SARS1: variants seen among roughly 807,000 people sequenced by gnomAD.
The protein encoded by SARS1 is serine--tRNA ligase, cytoplasmic.
In SARS1, 25 loss-of-function variants were observed where a neutral mutation model predicts 63.7. The observed-to-expected ratio is 0.39, with a 90% CI of 0.29 to 0.55. SARS1 has a LOEUF of 0.55. Ranked by LOEUF, SARS1 falls within the 20% of genes least tolerant of loss-of-function variation. SARS1 has a pLI of 0.62. For synonymous variants in SARS1, 231 were observed against 243.5 expected, an observed-to-expected ratio of 0.95 and a Z score of 0.48; for missense variants, 417 against 649.7, an observed-to-expected ratio of 0.64 and a Z score of 3.89.
intron 1 of SARS1, among the ~76,000 whole-genome samples, chr1:109,221,999 T>C (rs1654948124): frequency 7.9e-5 from 1 of 12,596 alleles, no homozygotes; most frequent in African/African-American, 2.9e-4. Flanking sequence ...TATATATATA[T>C]ATATATATAT....
chr1:109,219,810 G>A (rs576073611), intron 1 of SARS1, among the ~76,000 whole-genome samples: 17 of 152,270 alleles, frequency 1.1e-4, no homozygotes, highest in African/African-American at 3.8e-4. Context: ...ACCGCGCCCG[G>A]CATGGCTTCT....
intron 6 of SARS1, among the ~76,000 whole-genome samples, chr1:109,234,071 G>A (rs1321552326): frequency 2.0e-5 from 3 of 151,536 alleles, no homozygotes; most frequent in Non-Finnish European, 2.9e-5. Context: ...TAGAGATGGG[G>A]TTTTGTCATG....
At position 109,236,079 on chromosome 1, in the gene SARS1, C is replaced by T. The variant is rs200372929; in HGVS notation, c.1072C>T (p.Pro358Ser). 32 of 1,613,962 alleles carry T rather than the reference C, an allele frequency of 2.0e-5. No homozygotes were observed. In the African/African-American group the frequency reaches 3.6e-4, roughly 18 times the overall value. The change falls in exon 8 of 11, where the codon CCT becomes TCT. Residue 358 changes from proline to serine, a missense_variant. Coordinates refer to ENST00000234677, the MANE Select transcript of SARS1 (RefSeq NM_006513.4). Reference sequence around the variant, plus strand: ...GGAGTTCTACCAGTCCCTGGGGATTCCTTACCACATTGTGAATATTGTCTC... The same window carrying T: ...GGAGTTCTACCAGTCCCTGGGGATTTCTTACCACATTGTGAATATTGTCTC... ...AEEFYQSLGIPYHIVNIVSGS... is the reference protein window; with the variant it reads ...AEEFYQSLGISYHIVNIVSGS...
At position 109,214,404 on chromosome 1, in the gene SARS1, C is replaced by G. The variant is rs960227652; in HGVS notation, c.136+276C>G. ...CGCACGCGCATCGGGAGCTGTCAAGCCTTCCTGCCCCAGGGGTTGCCAGAA... is the reference window on the plus strand; with the variant it reads ...CGCACGCGCATCGGGAGCTGTCAAGGCTTCCTGCCCCAGGGGTTGCCAGAA... On this transcript the variant is annotated intron_variant, in intron 1 of 10. Transcript: ENST00000234677. This position sits in a 1 kb window ranked among gnomAD's most constrained non-coding sequence, Gnocchi z 4.6. 3 of 685,220 alleles carry G rather than the reference C, an allele frequency of 4.4e-6. No homozygotes were observed. In the African/African-American group the frequency reaches 5.6e-5, roughly 13 times the overall value. 42.4% of individuals were successfully genotyped at this position (685,220 alleles called of 1,614,324 possible).
rs769362560 is a variant in SARS1, at chr1:109,213,986, A to G, written c.-7A>G. Reference sequence around the variant, plus strand: ...CTTCCCTGAGCGTTGGCCCGGGAGGAAAGAAGATGGTGCTGGATCTGGATT... The same window carrying G: ...CTTCCCTGAGCGTTGGCCCGGGAGGGAAGAAGATGGTGCTGGATCTGGATT... On this transcript the variant is annotated 5_prime_UTR_variant, in exon 1 of 11. Transcript: ENST00000234677. 1 of 1,607,216 alleles carries G rather than the reference A, an allele frequency of 6.2e-7. No homozygotes were observed. Among genetic ancestry groups the G allele is most frequent in the Non-Finnish European group, 8.5e-7 (1 of 1,176,470 alleles).
At chr1:109,233,652 A>G (rs537110112) in intron 6 of SARS1, among the ~76,000 whole-genome samples, 1 of 151,856 alleles carries the variant, frequency 6.6e-6, no homozygotes, top group Non-Finnish European at 1.5e-5. Flanking sequence ...TGCCATGTAC[A>G]TAAATTGCCT....
At chr1:109,217,335 T>G (rs995706593) in intron 1 of SARS1, among the ~76,000 whole-genome samples, 55 of 152,248 alleles carry the variant, frequency 3.6e-4, no homozygotes, top group African/African-American at 1.2e-3. Flanking sequence ...GGAAAAATCA[T>G]CTTACACAAA....
Position 109,214,404 on chromosome 1 carries a change from C to A in SARS1, c.136+276C>A. The A allele has an allele frequency of 1.5e-6, 1 of 685,336 alleles. No individual in the cohort carries two copies. The highest frequency in any genetic ancestry group is 2.1e-6 in the Non-Finnish European group (1 of 486,912). 42.5% of individuals were successfully genotyped at this position (685,336 alleles called of 1,614,324 possible). On this transcript the variant is annotated intron_variant, in intron 1 of 10. Transcript: ENST00000234677. This position sits in a 1 kb window ranked among gnomAD's most constrained non-coding sequence, Gnocchi z 4.6. The stretch of plus-strand genomic sequence containing the variant: ...CGCACGCGCATCGGGAGCTGTCAAG[C>A]CTTCCTGCCCCAGGGGTTGCCAGAA...
chr1:109,227,017 A>T (rs1270677556), intron 2 of SARS1, among the ~76,000 whole-genome samples: 4 of 128,982 alleles, frequency 3.1e-5, no homozygotes, highest in African/African-American at 9.0e-5. Context: ...TTTTTTTGAG[A>T]CAGAGTCTTA....
intron 4 of SARS1, among the ~76,000 whole-genome samples, chr1:109,230,636 G>C (rs1158910802): frequency 6.6e-6 from 1 of 152,020 alleles, no homozygotes; most frequent in African/African-American, 2.4e-5. Context: ...GCAAAACCCT[G>C]TCTCTACAAA....
In SARS1 at chr1:109,235,924, T is replaced by C; in HGVS notation, c.970-53T>C. ...ATGGCAAGGATGTCTCCCACTTCAG[T>C]CCTTTATTCACCCTATACCGCTGTC... is the stretch of plus-strand genomic sequence containing the variant. On this transcript the variant is annotated intron_variant, in intron 7 of 10. Coordinates refer to ENST00000234677, the MANE Select transcript of SARS1 (RefSeq NM_006513.4). This position sits in a 1 kb window ranked among gnomAD's most constrained non-coding sequence, Gnocchi z 4.7. 2.0e-6 allele frequency: 3 copies of C among 1,511,756 alleles called. No individual in the cohort carries two copies. The highest frequency in any genetic ancestry group is 2.7e-6 in the Non-Finnish European group (3 of 1,125,186). The allele number at this position is 1,511,756 out of a possible 1,614,324, so 93.6% of individuals were successfully genotyped here. A position where few individuals can be genotyped will look rare whatever the true frequency, so the allele number is the denominator to read the frequency against.
chr1:109,216,914 T>A (rs1294673955), intron 1 of SARS1: 1 of 985,214 alleles, frequency 1.0e-6, no homozygotes, highest in African/African-American at 1.7e-5. Flanking sequence ...TGAGTCACCA[T>A]GCCCAGGCTA....
rs658092 is a variant in SARS1 at position 109,235,955 on chromosome 1, T to C, written c.970-22T>C. Reference sequence around the variant, plus strand: ...ATTCACCCTATACCGCTGTCACCGTTTCCTTGGGTCCCTCTCTGCAGATTG... The same window carrying C: ...ATTCACCCTATACCGCTGTCACCGTCTCCTTGGGTCCCTCTCTGCAGATTG... On this transcript the variant is annotated intron_variant, in intron 7 of 10. Transcript: ENST00000234677. This position sits in a 1 kb window ranked among gnomAD's most constrained non-coding sequence, Gnocchi z 4.7. 1,231,252 of 1,585,244 alleles carry C rather than the reference T, an allele frequency of 0.78. 483,445 individuals carry two copies. Among genetic ancestry groups the C allele is most frequent in the East Asian group, 0.88 (39,546 of 44,694 alleles).
intron 1 of SARS1, among the ~76,000 whole-genome samples, chr1:109,220,179 T>C (rs1036773901): frequency 1.3e-5 from 2 of 152,234 alleles, no homozygotes; most frequent in African/African-American, 4.8e-5. Context: ...CATATGTACA[T>C]TCTTATGTGT....
chr1:109,227,294 A>G (rs986361454), intron 2 of SARS1, among the ~76,000 whole-genome samples: 1 of 151,904 alleles, frequency 6.6e-6, no homozygotes, highest in African/African-American at 2.4e-5. Context: ...TGCCCTGCCA[A>G]CTCTTTTTAA....
chr1:109,226,021 C>T (rs906751873), intron 2 of SARS1, among the ~76,000 whole-genome samples: 4 of 152,032 alleles, frequency 2.6e-5, no homozygotes, highest in African/African-American at 9.7e-5. Flanking sequence ...GAGACAAAGC[C>T]TCATTTTATT....
chr1:109,229,458 T>C lies in SARS1; in HGVS notation c.333T>C (p.Asp111=). 2 of 1,614,178 alleles carry C rather than the reference T, an allele frequency of 1.2e-6. No homozygotes were observed. The highest frequency in any genetic ancestry group is 1.6e-4 in the Middle Eastern group (1 of 6,062). ...TCAAAAAAGTCCGACTCCTCATTGATGAAGCCATCCTGAAGTGTGACGCGG... is the reference window on the plus strand; with the variant it reads ...TCAAAAAAGTCCGACTCCTCATTGACGAAGCCATCCTGAAGTGTGACGCGG... ...SQIKKVRLLI[D]EAILKCDAER... is the part of the protein sequence containing the mutation. Residue 111 remains aspartate (D), a synonymous_variant, in exon 4 of 11, where the codon GAT becomes GAC. Transcript: ENST00000234677.
chr1:109,225,585 C>A (rs1655046977), intron 2 of SARS1, among the ~76,000 whole-genome samples: 1 of 152,126 alleles, frequency 6.6e-6, no homozygotes. Flanking sequence ...GTGTTCACTC[C>A]CACTGCCATT....
chr1:109,230,571 C>A (rs1254539611), intron 4 of SARS1, among the ~76,000 whole-genome samples: 1 of 152,146 alleles, frequency 6.6e-6, no homozygotes, highest in East Asian at 1.9e-4. Flanking sequence ...CTTTGGGAAG[C>A]CTAGGCAGGC....
Sources: gnomAD v4.1 joint callset for allele counts (sites outside exome capture counted in the v4.1 genomes callset) on GRCh38, gnomAD v4.1.1 for gene constraint, Gnocchi (gnomAD v3.1) non-coding constraint, MANE v1.5 for transcripts, NCBI Gene and HGNC (gene_info 2026-07-23, HGNC 2026-07-21) for gene names.